PRDM16: variants seen among roughly 807,000 people sequenced by gnomAD.
PRDM16 encodes PR/SET domain 16, also known as histone-lysine N-methyltransferase PRDM16.
A neutral mutation model predicts 110.6 loss-of-function variants in PRDM16; 23 were observed. That is an observed-to-expected ratio of 0.21 (90% CI 0.15 to 0.29). The LOEUF (loss-of-function observed/expected upper bound fraction) is 0.29, where lower values mean the gene tolerates loss of function less well. Ranked by LOEUF, PRDM16 falls within the 10% of genes least tolerant of loss-of-function variation. The probability of loss-of-function intolerance (pLI) is 1.00; values close to 1 mark genes in which losing one functional copy is unlikely to be tolerated. For missense variants in PRDM16, 1,615 were observed against 1,794.3 expected (o/e 0.90, Z 1.81); for synonymous variants, 799 against 781.8 (o/e 1.02, Z -0.37).
At chr1:3,322,099 GCT>G (rs749273422) in intron 3 of PRDM16, among the ~76,000 whole-genome samples, 17 of 151,002 alleles carry the variant, frequency 1.1e-4, no homozygotes, top group Admixed American at 5.3e-4. Context: ...TATGTGTGCG[GCT>G]CTGTGTGATT....
At chr1:3,084,945 G>A (rs894169609) in intron 1 of PRDM16, among the ~76,000 whole-genome samples, 88 of 152,162 alleles carry the variant, frequency 5.8e-4, no homozygotes, top group African/African-American at 1.7e-3. Context: ...GCTCAGCCGC[G>A]CACCCTGCGG....
At chr1:3,120,734 G>A (rs1022772708) in intron 1 of PRDM16, among the ~76,000 whole-genome samples, 2 of 152,200 alleles carry the variant, frequency 1.3e-5, no homozygotes, top group Admixed American at 6.5e-5. Context: ...GTCTGGAAGC[G>A]GTGGGCCTCG....
intron 1 of PRDM16, among the ~76,000 whole-genome samples, chr1:3,152,344 GCATTCATC>G (rs1557486745): frequency 1.3e-5 from 1 of 79,116 alleles, no homozygotes; most frequent in East Asian, 3.3e-4. Context: ...ATTTATCTAT[GCATTCATC>G]CATCCATCCA....
chr1:3,341,635 G>A (rs899847081), intron 3 of PRDM16, among the ~76,000 whole-genome samples: 7 of 152,198 alleles, frequency 4.6e-5, no homozygotes, highest in Non-Finnish European at 7.3e-5. Context: ...GCTTTACGAC[G>A]GTGGAGAAGT....
At position 3,351,747 on chromosome 1, in the gene PRDM16, T is replaced by TC. The variant is rs1342005534; in HGVS notation, c.439-33397dup. 2.6e-4 allele frequency among the ~76,000 whole-genome samples: 24 copies of TC among 92,786 alleles called. 1 individual carries two copies. Among genetic ancestry groups the TC allele is most frequent in the East Asian group, 9.5e-4 (3 of 3,154 alleles). The allele number at this position is 92,786 out of a possible 152,430, so 60.9% of individuals were successfully genotyped here. Reference sequence around the variant, plus strand: ...TCCCTCTGTCTCTCCTCTCCCTCTCTCCCCCCCCTCTGTTTCTCTTCTTCC... The same window carrying TC: ...TCCCTCTGTCTCTCCTCTCCCTCTCTCCCCCCCCCTCTGTTTCTCTTCTTCC... On this transcript the variant is annotated intron_variant, in intron 3 of 16. Coordinates refer to ENST00000270722, the MANE Select transcript of PRDM16 (RefSeq NM_022114.4).
At chr1:3,089,249 G>A (rs1433233658) in intron 1 of PRDM16, among the ~76,000 whole-genome samples, 2 of 152,222 alleles carry the variant, frequency 1.3e-5, no homozygotes, top group Non-Finnish European at 2.9e-5. Context: ...TGTGGACCCC[G>A]AAACTCCTTG....
intron 3 of PRDM16, among the ~76,000 whole-genome samples, chr1:3,247,043 A>G (rs1639806104): frequency 6.6e-6 from 1 of 152,150 alleles, no homozygotes. Context: ...TGAATTCAGT[A>G]CAGTCCTTCC....
intron 3 of PRDM16, among the ~76,000 whole-genome samples, chr1:3,332,170 C>A (rs1256741352): frequency 6.6e-6 from 1 of 152,280 alleles, no homozygotes; most frequent in Non-Finnish European, 1.5e-5. Flanking sequence ...ACAATGCGCT[C>A]ACCTCTTTCC....
At chr1:3,189,745 G>A (rs963906016) in intron 2 of PRDM16, among the ~76,000 whole-genome samples, 2 of 152,250 alleles carry the variant, frequency 1.3e-5, no homozygotes, top group Non-Finnish European at 2.9e-5. Flanking sequence ...GAGCTCAGAA[G>A]TGGGATTCCC....
At chr1:3,418,177 C>T (rs556120755) in intron 11 of PRDM16, among the ~76,000 whole-genome samples, 180 bp downstream of exon 11, 1 of 152,336 alleles carries the variant, frequency 6.6e-6, no homozygotes, top group East Asian at 1.9e-4. Flanking sequence ...TGGGTGGCCT[C>T]CCCTGCCTCA....
intron 3 of PRDM16, among the ~76,000 whole-genome samples, chr1:3,364,564 C>T (rs1474235051): frequency 6.6e-6 from 1 of 152,208 alleles, no homozygotes; most frequent in Non-Finnish European, 1.5e-5. Flanking sequence ...CAGCCCCTCA[C>T]CCCCGGCAAC....
intron 1 of PRDM16, among the ~76,000 whole-genome samples, chr1:3,179,933 ATTTG>A (rs1644131216): frequency 6.6e-6 from 1 of 151,624 alleles, no homozygotes. Flanking sequence ...CTGCCACCGG[ATTTG>A]TTTGCTCCAT....
intron 8 of PRDM16, among the ~76,000 whole-genome samples, chr1:3,407,824 C>A (rs975567209): frequency 2.0e-5 from 3 of 152,252 alleles, no homozygotes; most frequent in Admixed American, 2.0e-4. Context: ...GGAAACTCAA[C>A]TGGCCCTGCC....
Position 3,075,705 on chromosome 1 carries a change from C to T in PRDM16, c.37+6409C>T, listed in dbSNP as rs144127102. Among the ~76,000 whole-genome samples the T allele has an allele frequency of 4.3e-4, 65 of 152,384 alleles. No individual in the cohort carries two copies. The East Asian group carries it at 0.011, about 26-fold the overall frequency. On this transcript the variant is annotated intron_variant, in intron 1 of 16. Transcript: ENST00000270722. The stretch of plus-strand genomic sequence containing the variant: ...TCTGTGCCGTCCCATGCGCGTTTTC[C>T]GCGCTGATGGCGGTGCCGTTTCCGA...
intron 3 of PRDM16, among the ~76,000 whole-genome samples, chr1:3,274,376 T>C (rs1210927212): frequency 6.6e-6 from 1 of 152,188 alleles, no homozygotes; most frequent in Admixed American, 6.5e-5. Context: ...GGCGACCAGA[T>C]TTCATAAAGT....
rs1039015859 is a variant in PRDM16, at chr1:3,246,482, G to T, written c.438+2345G>T. Among the ~76,000 whole-genome samples the T allele has an allele frequency of 3.3e-5, 5 of 152,210 alleles. No individual in the cohort carries two copies. Among genetic ancestry groups the T allele is most frequent in the African/African-American group, 1.2e-4 (5 of 41,460 alleles). The stretch of plus-strand genomic sequence containing the variant: ...CAGGGTACCAGAGCCAGCATCGGGG[G>T]CGTTGGTGGGCGGTCCTGTCCAAGC... On this transcript the variant is annotated intron_variant, in intron 3 of 16. Coordinates refer to ENST00000270722, the MANE Select transcript of PRDM16 (RefSeq NM_022114.4). The surrounding 1 kb of genome is among the most constrained non-coding windows in gnomAD (Gnocchi z 5.2).
At chr1:3,182,207 A>C (rs565263220) in intron 1 of PRDM16, among the ~76,000 whole-genome samples, 1 of 151,372 alleles carries the variant, frequency 6.6e-6, no homozygotes, top group Middle Eastern at 3.4e-3. Context: ...ACTCCGAAAA[A>C]CCCCCTTGTA....
At chr1:3,306,792 AAAG>A (rs546267058) in intron 3 of PRDM16, 1 of 152,260 alleles carries the variant, frequency 6.6e-6, no homozygotes, top group South Asian at 2.1e-4. Flanking sequence ...ATCACTGAAA[AAAG>A]AAACCACACA....
At chr1:3,231,301 C>G (rs1033686339) in intron 2 of PRDM16, among the ~76,000 whole-genome samples, 1 of 149,772 alleles carries the variant, frequency 6.7e-6, no homozygotes. Context: ...ACGTCTTGAG[C>G]GCCATCACGA....
Sources: allele counts gnomAD v4.1 joint callset (sites outside exome capture counted in the v4.1 genomes callset), GRCh38; gene constraint gnomAD v4.1.1; non-coding constraint Gnocchi (gnomAD v3.1); transcripts MANE v1.5; gene names NCBI Gene and HGNC (gene_info 2026-07-23, HGNC 2026-07-21).